The following IFT140 variants were observed in gnomAD, a reference collection of about 807,000 sequenced individuals.
IFT140 encodes intraflagellar transport protein 140 homolog.
IFT140 carries 133 observed loss-of-function variants against 164.6 expected under a neutral mutation model. The ratio of observed to expected loss-of-function variants is 0.81; its 90% CI spans 0.70 to 0.93. The LOEUF is 0.93. Ranked by LOEUF, IFT140 falls within the 40% of genes least tolerant of loss-of-function variation. The pLI is 0.00. For synonymous variants in IFT140, 860 were observed against 817.3 expected (o/e 1.05, Z -0.89); for missense variants, 2,045 against 1,972.3 (o/e 1.04, Z -0.70).
At chr16:1,583,503 A>G in intron 11 of IFT140, 117 bp from the exon 12 acceptor site, 2 of 741,142 alleles carry the variant, frequency 2.7e-6, no homozygotes, top group Non-Finnish European at 4.6e-6. Flanking sequence ...CTGCTCCATC[A>G]TCCTACGACT....
intron 19 of IFT140, among the ~76,000 whole-genome samples, chr16:1,535,720 G>A (rs942897385): frequency 1.3e-5 from 2 of 152,216 alleles, no homozygotes; most frequent in East Asian, 1.9e-4. Context: ...AAGGTCCCAC[G>A]AGGGAATTCA....
chr16:1,593,586 T>C (rs1460056615), intron 4 of IFT140, among the ~76,000 whole-genome samples: 1 of 152,088 alleles, frequency 6.6e-6, no homozygotes, highest in Non-Finnish European at 1.5e-5. Context: ...TATGACAGGG[T>C]CTCAGGCTCT....
At chr16:1,524,175 T>A (rs2040604942) in intron 24 of IFT140, 3 of 650,784 alleles carry the variant, frequency 4.6e-6, no homozygotes, top group Non-Finnish European at 7.7e-6. Context: ...CTGCAAGAAA[T>A]ACCTGACACG....
intron 19 of IFT140, chr16:1,554,224 G>C: frequency 1.1e-6 from 1 of 898,310 alleles, no homozygotes; most frequent in East Asian, 6.3e-5. Flanking sequence ...AGTTCCCAAA[G>C]CAAAGGCCAA....
intron 19 of IFT140, among the ~76,000 whole-genome samples, chr16:1,546,465 G>A (rs1693533582): frequency 6.6e-6 from 1 of 152,218 alleles, no homozygotes; most frequent in South Asian, 2.1e-4. Context: ...GATCTGTGCA[G>A]TGGAGAGTGA....
rs1350730052 is a variant in IFT140, at chr16:1,553,475, G to A, written c.2399+4460C>T. On this transcript the variant is annotated intron_variant, in intron 19 of 30. Coordinates refer to ENST00000426508, the MANE Select transcript of IFT140 (RefSeq NM_014714.4). The surrounding 1 kb of genome is among the most constrained non-coding windows in gnomAD (Gnocchi z 4.4). ...ACAGGTGTCAACATGCAGGCCAGGCGGAGGGACAGCAGTGGGGCTCGGCGT... is the reference window on the plus strand; with the variant it reads ...ACAGGTGTCAACATGCAGGCCAGGCAGAGGGACAGCAGTGGGGCTCGGCGT... 6.1e-6 allele frequency: 6 copies of A among 985,352 alleles called. No individual in the cohort carries two copies. The highest frequency in any genetic ancestry group is 3.5e-5 in the African/African-American group (2 of 57,242). 61.0% of individuals were successfully genotyped at this position (985,352 alleles called of 1,614,324 possible).
intron 21 of IFT140, 29 bp from the exon 22 acceptor site, chr16:1,525,355 T>C: frequency 6.5e-7 from 1 of 1,549,596 alleles, no homozygotes; most frequent in Non-Finnish European, 8.9e-7. Context: ...GAGGTCCTCG[T>C]TCCCTCCCAT....
Position 1,568,302 on chromosome 16 carries a change from A to G in IFT140, c.1685T>C (p.Leu562Pro). The G allele has an allele frequency of 6.2e-7, 1 of 1,613,836 alleles. No homozygotes were observed. Among genetic ancestry groups the G allele is most frequent in the Non-Finnish European group, 8.5e-7 (1 of 1,180,004 alleles). ...EAKAHCSCRS[L>P]AELVPGVGGI... is the part of the protein sequence containing the mutation. ...CCCCACCCCAGGGACCAGCTCCGCC[A>G]GGCTCCTGCAGCTACAGTGTGCTTT... The change falls in exon 15 of 31, where the codon CTG becomes CCG. Residue 562 changes from leucine to proline, a missense_variant. Coordinates refer to ENST00000426508, the MANE Select transcript of IFT140 (RefSeq NM_014714.4).
chr16:1,545,295 C>T (rs775887747), intron 19 of IFT140, among the ~76,000 whole-genome samples: 14 of 151,654 alleles, frequency 9.2e-5, no homozygotes, highest in African/African-American at 1.5e-4. Context: ...GGCACCAGGG[C>T]GAGGGCCAGC....
At chr16:1,543,415 G>T (rs981260726) in intron 19 of IFT140, among the ~76,000 whole-genome samples, 2 of 152,340 alleles carry the variant, frequency 1.3e-5, no homozygotes, top group East Asian at 1.9e-4. Context: ...CTCTCTGAGC[G>T]CTATTAATAG....
intron 13 of IFT140, among the ~76,000 whole-genome samples, chr16:1,571,786 T>A (rs777058663): frequency 3.2e-4 from 49 of 152,174 alleles, no homozygotes; most frequent in Non-Finnish European, 5.4e-4. Context: ...CTCTGGTGCC[T>A]CCAGTCTAGA....
At chr16:1,525,861 G>T in intron 21 of IFT140, 26 bp downstream of exon 21, 1 of 1,500,428 alleles carries the variant, frequency 6.7e-7, no homozygotes, top group Non-Finnish European at 8.9e-7. Flanking sequence ...GAGAGGCAGG[G>T]AAGAGGCCGC....
chr16:1,541,111 G>T (rs2076442), intron 19 of IFT140: 338,090 of 985,182 alleles, frequency 0.34, 61,679 homozygotes, highest in African/African-American at 0.64. Flanking sequence ...GGCTCCATCT[G>T]CCCCTGACCA....
At chr16:1,568,124 CAGG>C (rs757406837) in intron 15 of IFT140, 90 bp downstream of exon 15, 151 of 842,616 alleles carry the variant, frequency 1.8e-4, no homozygotes, top group Non-Finnish European at 2.3e-4. Flanking sequence ...AAGACTTGCA[CAGG>C]AGGAGAGAGG....
intron 19 of IFT140, among the ~76,000 whole-genome samples, chr16:1,529,469 C>T (rs545259922): frequency 2.0e-5 from 3 of 152,346 alleles, no homozygotes; most frequent in Non-Finnish European, 2.9e-5. Flanking sequence ...AAGGTGACAC[C>T]GGGTGCATGG....
At chr16:1,577,518 G>A (rs2034338128) in intron 13 of IFT140, 1 of 152,182 alleles carries the variant, frequency 6.6e-6, no homozygotes, top group Non-Finnish European at 1.5e-5. Flanking sequence ...CTGCTCAGGT[G>A]GTTGGCGCCC....
intron 14 of IFT140, among the ~76,000 whole-genome samples, chr16:1,569,499 TCCC>T (rs1323497536): frequency 8.5e-6 from 1 of 117,838 alleles, no homozygotes; most frequent in African/African-American, 3.3e-5. Context: ...CCTCCCTCCC[TCCC>T]TTCTTTCCCT....
chr16:1,587,152 C>T, intron 9 of IFT140, 46 bp downstream of exon 9: 1 of 1,206,940 alleles, frequency 8.3e-7, no homozygotes, highest in Non-Finnish European at 1.2e-6. Flanking sequence ...GCGCACAATG[C>T]TTGTGGTTGG....
At chr16:1,545,488 T>C (rs2032093618) in intron 19 of IFT140, among the ~76,000 whole-genome samples, 1 of 152,250 alleles carries the variant, frequency 6.6e-6, no homozygotes, top group African/African-American at 2.4e-5. Flanking sequence ...GCCTTTCTTC[T>C]ATCATGTTGC....
Sources: allele counts gnomAD v4.1 joint callset (sites outside exome capture counted in the v4.1 genomes callset), GRCh38; gene constraint gnomAD v4.1.1; non-coding constraint Gnocchi (gnomAD v3.1); transcripts MANE v1.5; gene names NCBI Gene and HGNC (gene_info 2026-07-23, HGNC 2026-07-21).